The following CAB39 variants were observed in gnomAD, a reference collection of about 807,000 sequenced individuals.
The protein encoded by CAB39 is calcium-binding protein 39.
In CAB39, 8 loss-of-function variants were observed where a neutral mutation model predicts 40.0. That is an observed-to-expected ratio of 0.20 (90% CI 0.12 to 0.36). The LOEUF (loss-of-function observed/expected upper bound fraction) is 0.36. Ranked by LOEUF, CAB39 falls within the 10% of genes least tolerant of loss-of-function variation. CAB39 has a pLI of 1.00. For missense variants in CAB39, 270 were observed against 401.1 expected, an observed-to-expected ratio of 0.67 and a Z score of 2.79; for synonymous variants, 156 against 141.6, an observed-to-expected ratio of 1.10 and a Z score of -0.72.
chr2:230,775,388 G>A (rs1695568869), intron 2 of CAB39, among the ~76,000 whole-genome samples: 1 of 151,598 alleles, frequency 6.6e-6, no homozygotes, highest in Non-Finnish European at 1.5e-5. Context: ...GGCATGCGTT[G>A]CCATGCCCAG....
intron 2 of CAB39, among the ~76,000 whole-genome samples, chr2:230,764,194 C>T (rs1030201930): frequency 1.3e-5 from 2 of 152,022 alleles, no homozygotes; most frequent in African/African-American, 2.4e-5. Context: ...TGCAATGTTG[C>T]AAAATAGGTA....
chr2:230,756,942 C>T (rs986034765), intron 1 of CAB39, among the ~76,000 whole-genome samples: 6 of 152,182 alleles, frequency 3.9e-5, no homozygotes, highest in Non-Finnish European at 7.3e-5. Flanking sequence ...CTGCTGGCCT[C>T]GTCCTCCCAA....
intron 2 of CAB39, among the ~76,000 whole-genome samples, chr2:230,769,363 A>T (rs1020052872): frequency 4.6e-5 from 7 of 152,238 alleles, no homozygotes; most frequent in African/African-American, 1.7e-4. Flanking sequence ...GCAGAAAATC[A>T]GCAAGGATTT....
At chr2:230,717,196 A>G (rs934352724) in intron 1 of CAB39, among the ~76,000 whole-genome samples, 1 of 152,252 alleles carries the variant, frequency 6.6e-6, no homozygotes, top group East Asian at 1.9e-4. Flanking sequence ...AATTGTGGGG[A>G]AAAAATATCA....
intron 1 of CAB39, among the ~76,000 whole-genome samples, chr2:230,732,754 A>G (rs1462589591): frequency 1.3e-5 from 2 of 152,180 alleles, no homozygotes; most frequent in African/African-American, 4.8e-5. Context: ...GGATGGGATA[A>G]ATGATGATGA....
At position 230,781,887 on chromosome 2, in the gene CAB39, C is replaced by T. The variant is rs113593458; in HGVS notation, c.115-8985C>T. ...TGTTTTGTTTTTTTCCTTCTTGAAA[C>T]ACAGTCTCGCTCTGTCACCCAGGCT... On this transcript the variant is annotated intron_variant, in intron 2 of 8. Coordinates refer to ENST00000258418, the MANE Select transcript of CAB39 (RefSeq NM_016289.4). Among the ~76,000 whole-genome samples, 732 of 152,246 alleles carry T rather than the reference C, an allele frequency of 4.8e-3. 5 individuals carry two copies. Among genetic ancestry groups the T allele is most frequent in the African/African-American group, 0.017 (686 of 41,526 alleles).
chr2:230,748,026 T>A (rs894912794), intron 1 of CAB39, among the ~76,000 whole-genome samples: 1 of 152,208 alleles, frequency 6.6e-6, no homozygotes, highest in Non-Finnish European at 1.5e-5. Flanking sequence ...TTTTTTCAGT[T>A]GTTTATTTGA....
chr2:230,724,798 A>C (rs1051699062), intron 1 of CAB39, among the ~76,000 whole-genome samples: 27 of 151,134 alleles, frequency 1.8e-4, no homozygotes, highest in Non-Finnish European at 2.7e-4. Flanking sequence ...TGATCTAAAA[A>C]ACTTTACAAG....
At chr2:230,799,042 G>A in intron 5 of CAB39, 145 bp downstream of exon 5, 1 of 583,852 alleles carries the variant, frequency 1.7e-6, no homozygotes, top group Non-Finnish European at 2.9e-6. Flanking sequence ...GTGTGATAGA[G>A]GTATATGCAG....
At chr2:230,721,873 C>G (rs1008551003) in intron 1 of CAB39, among the ~76,000 whole-genome samples, 4 of 152,138 alleles carry the variant, frequency 2.6e-5, no homozygotes, top group Non-Finnish European at 4.4e-5. Flanking sequence ...CACCCTCCCC[C>G]CCAGGAAATA....
chr2:230,771,402 A>G (rs1695481046), intron 2 of CAB39, among the ~76,000 whole-genome samples: 1 of 152,190 alleles, frequency 6.6e-6, no homozygotes, highest in Admixed American at 6.5e-5. Flanking sequence ...TAGCATAAAA[A>G]CATGAAATAG....
intron 2 of CAB39, among the ~76,000 whole-genome samples, chr2:230,786,424 A>G (rs906374742): frequency 6.6e-6 from 1 of 152,096 alleles, no homozygotes; most frequent in African/African-American, 2.4e-5. Flanking sequence ...TAGTTCACCC[A>G]TTTGAAGGGT....
intron 5 of CAB39, among the ~76,000 whole-genome samples, chr2:230,801,763 G>A (rs1056089331): frequency 2.0e-5 from 3 of 151,914 alleles, no homozygotes; most frequent in Non-Finnish European, 4.4e-5. Flanking sequence ...CAGCTACTCA[G>A]GAGGCTGAGG....
chr2:230,742,674 A>G (rs995728863), intron 1 of CAB39, among the ~76,000 whole-genome samples: 2 of 152,174 alleles, frequency 1.3e-5, no homozygotes, highest in East Asian at 1.9e-4. Flanking sequence ...GGCAATAGAG[A>G]TGTACAATTT....
At chr2:230,761,915 G>GTTA (rs1278717424) in intron 2 of CAB39, among the ~76,000 whole-genome samples, 1 of 148,636 alleles carries the variant, frequency 6.7e-6, no homozygotes, top group Non-Finnish European at 1.5e-5. Context: ...TGTTGTTGTT[G>GTTA]TTGTTGTTTT....
chr2:230,787,891 G>A (rs1465566275), intron 2 of CAB39, among the ~76,000 whole-genome samples: 2 of 152,218 alleles, frequency 1.3e-5, no homozygotes, highest in African/African-American at 4.8e-5. Context: ...CCCAGGGCCA[G>A]TAGACAGTGT....
In CAB39 at chr2:230,819,004, T is replaced by C; in HGVS notation, c.*300T>C. On this transcript the variant is annotated 3_prime_UTR_variant, in exon 9 of 9. Transcript: ENST00000258418. ...GGCAAATGTATGGATGAGAGTGTGGTTTAGGAAAGAGGGCACTGATATCAG... is the reference window on the plus strand; with the variant it reads ...GGCAAATGTATGGATGAGAGTGTGGCTTAGGAAAGAGGGCACTGATATCAG... 1 of 279,700 alleles carries C rather than the reference T, an allele frequency of 3.6e-6. No individual in the cohort carries two copies. Among genetic ancestry groups the C allele is most frequent in the South Asian group, 4.0e-5 (1 of 25,066 alleles). The allele number at this position is 279,700 out of a possible 1,614,324, so 17.3% of individuals were successfully genotyped here.
At chr2:230,791,250 C>T (rs1695888055) in intron 3 of CAB39, among the ~76,000 whole-genome samples, 1 of 152,120 alleles carries the variant, frequency 6.6e-6, no homozygotes, top group South Asian at 2.1e-4. Context: ...TTCCCTGTTT[C>T]ATCACATTGG....
chr2:230,782,807 T>C (rs1436414224), intron 2 of CAB39, among the ~76,000 whole-genome samples: 1 of 124,832 alleles, frequency 8.0e-6, no homozygotes, highest in Non-Finnish European at 1.6e-5. Context: ...CTTTCTTTCT[T>C]TCTTTCTTTT....
Sources: allele counts gnomAD v4.1 joint callset (sites outside exome capture counted in the v4.1 genomes callset), GRCh38; gene constraint gnomAD v4.1.1; transcripts MANE v1.5; gene names NCBI Gene and HGNC (gene_info 2026-07-23, HGNC 2026-07-21).